SH3KBP1: variants seen among roughly 807,000 people sequenced by gnomAD.
The protein encoded by SH3KBP1 is SH3 domain-containing kinase-binding protein 1.
A neutral mutation model predicts 50.1 loss-of-function variants in SH3KBP1; 8 were observed. The observed-to-expected ratio is 0.16, with a 90% CI of 0.09 to 0.29. The LOEUF is 0.29. Among genes scored for constraint, SH3KBP1 ranks in the 10% least tolerant of loss-of-function variants. The probability of loss-of-function intolerance (pLI) is 1.00; values close to 1 mark genes in which losing one functional copy is unlikely to be tolerated. For missense variants in SH3KBP1, 377 were observed against 535.2 expected (o/e 0.70, Z 2.92); for synonymous variants, 227 against 218.6 (o/e 1.04, Z -0.34).
chrX:19,720,402 G>A (rs918739636), intron 3 of SH3KBP1, among the ~76,000 whole-genome samples: 1 of 111,399 alleles, frequency 9.0e-6, no homozygotes, highest in African/African-American at 3.3e-5. Flanking sequence ...AATCCAATAC[G>A]TAAAGCACAC....
chrX:19,623,607 C>T (rs2067917527), intron 8 of SH3KBP1, among the ~76,000 whole-genome samples: 1 of 112,264 alleles, frequency 8.9e-6, no homozygotes, highest in Non-Finnish European at 1.9e-5. Flanking sequence ...TCACTTGAAC[C>T]CGGCAGGCGG....
intron 9 of SH3KBP1, among the ~76,000 whole-genome samples, chrX:19,606,723 T>C (rs1381794077): frequency 3.6e-5 from 4 of 112,026 alleles, no homozygotes; most frequent in Non-Finnish European, 7.5e-5. Context: ...TGATGCACCA[T>C]GTCTGGGGTG....
Position 19,887,417 on chromosome X carries a change from C to T in SH3KBP1, c.-107G>A. The T allele has an allele frequency of 1.5e-6, 1 of 672,586 alleles. No homozygotes were observed. Among genetic ancestry groups the T allele is most frequent in the Non-Finnish European group, 1.9e-6 (1 of 519,475 alleles). The allele number at this position is 672,586 out of a possible 1,213,427, so 55.4% of individuals were successfully genotyped here. ...GCGCTGGGATCCAGGCGCGAGGGTCCGGACGCGGCGGCGGCTGGGCCGGCT... is the reference window on the plus strand; with the variant it reads ...GCGCTGGGATCCAGGCGCGAGGGTCTGGACGCGGCGGCGGCTGGGCCGGCT... On this transcript the variant is annotated 5_prime_UTR_variant, in exon 1 of 18. Coordinates refer to ENST00000397821, the MANE Select transcript of SH3KBP1 (RefSeq NM_031892.3).
chrX:19,616,319 AC>A (rs940380053), intron 8 of SH3KBP1, among the ~76,000 whole-genome samples: 2 of 111,890 alleles, frequency 1.8e-5, no homozygotes, highest in African/African-American at 6.5e-5. Context: ...GGAACTACTT[AC>A]AAAAAATCCT....
chrX:19,647,040 T>C (rs1212317464), intron 6 of SH3KBP1, among the ~76,000 whole-genome samples: 1 of 112,207 alleles, frequency 8.9e-6, no homozygotes, highest in Non-Finnish European at 1.9e-5. Context: ...GTACCGATAG[T>C]AAAAATAGCA....
intron 2 of SH3KBP1, among the ~76,000 whole-genome samples, chrX:19,801,344 C>T (rs2066885188): frequency 9.0e-6 from 1 of 111,441 alleles, no homozygotes; most frequent in Non-Finnish European, 1.9e-5. Context: ...ATCACACTGC[C>T]CCTGGGGTCC....
chrX:19,540,639 TAA>T (rs759579362), intron 16 of SH3KBP1, among the ~76,000 whole-genome samples: 5 of 111,456 alleles, frequency 4.5e-5, no homozygotes, highest in African/African-American at 6.5e-5. Flanking sequence ...TTCATCGCTG[TAA>T]GTCTCTGGCT....
chrX:19,580,747 C>T (rs1050916541), intron 12 of SH3KBP1, among the ~76,000 whole-genome samples: 2 of 111,044 alleles, frequency 1.8e-5, no homozygotes, highest in African/African-American at 6.6e-5. Flanking sequence ...CTCCTTCTAG[C>T]TTCCATGACA....
At chrX:19,594,912 C>A (rs763933402) in intron 10 of SH3KBP1, 37 bp downstream of exon 10, 3 of 1,017,013 alleles carry the variant, frequency 2.9e-6, no homozygotes, top group Non-Finnish European at 4.2e-6. Context: ...AAAAGAAAGA[C>A]GCATATTTTA....
At chrX:19,784,810 C>T (rs2066286347) in intron 2 of SH3KBP1, among the ~76,000 whole-genome samples, 2 of 110,105 alleles carry the variant, frequency 1.8e-5, no homozygotes, top group African/African-American at 3.3e-5. Context: ...GGTTTCACCA[C>T]GTGGGCCAGG....
intron 2 of SH3KBP1, among the ~76,000 whole-genome samples, chrX:19,793,305 G>GAA (rs1276369664): frequency 0.021 from 1,975 of 94,355 alleles, 83 homozygotes; most frequent in African/African-American, 0.075. Context: ...TTGTCTCAAG[G>GAA]AAAAAAAAAT....
chrX:19,767,404 T>C (rs1040245961), intron 2 of SH3KBP1, among the ~76,000 whole-genome samples: 5 of 112,715 alleles, frequency 4.4e-5, no homozygotes, highest in African/African-American at 1.3e-4. Flanking sequence ...ACAGTAGCTG[T>C]GAGGTGATTT....
rs752241615 is a variant in SH3KBP1 at position 19,546,066 on chromosome X, G to T, written c.1495-16C>A. ...AAAGGGATGACTGATAAAGCCAAAA[G>T]AAAATGCTTTTGTCAGAATTACACC... is the stretch of plus-strand genomic sequence containing the variant. On this transcript the variant is annotated splice_polypyrimidine_tract_variant and intron_variant, in intron 14 of 17. Transcript: ENST00000397821. 2 of 1,210,191 alleles carry T rather than the reference G, an allele frequency of 1.7e-6. No individual in the cohort carries two copies. The highest frequency in any genetic ancestry group is 4.3e-5 in the Admixed American group (2 of 45,987).
At chrX:19,645,023 T>C (rs1330189113) in intron 7 of SH3KBP1, among the ~76,000 whole-genome samples, 6 of 111,868 alleles carry the variant, frequency 5.4e-5, no homozygotes, top group African/African-American at 2.0e-4. Context: ...TTCAAGTGGT[T>C]AGGCCTCTCC....
At chrX:19,707,564 T>C (rs1569432012) in intron 3 of SH3KBP1, among the ~76,000 whole-genome samples, 1 of 111,465 alleles carries the variant, frequency 9.0e-6, no homozygotes, top group Non-Finnish European at 1.9e-5. Flanking sequence ...AATCTACTTC[T>C]GTCCTCTTCC....
At chrX:19,812,059 C>T in intron 2 of SH3KBP1, among the ~76,000 whole-genome samples, 1 of 111,646 alleles carries the variant, frequency 9.0e-6, no homozygotes, top group Non-Finnish European at 1.9e-5. Flanking sequence ...TGGTTTGACT[C>T]GGACAACTTC....
intron 2 of SH3KBP1, among the ~76,000 whole-genome samples, chrX:19,808,934 GAAGT>G (rs374581608): frequency 6.3e-5 from 7 of 111,978 alleles, no homozygotes; most frequent in Non-Finnish European, 9.4e-5. Context: ...TTAAGGATCA[GAAGT>G]AAGTATGACA....
At chrX:19,770,955 T>C (rs2065773225) in intron 2 of SH3KBP1, among the ~76,000 whole-genome samples, 1 of 111,848 alleles carries the variant, frequency 8.9e-6, no homozygotes, top group Non-Finnish European at 1.9e-5. Context: ...GTGAATAGTT[T>C]GCAAATATTT....
chrX:19,783,420 T>C (rs1314928632), intron 2 of SH3KBP1, among the ~76,000 whole-genome samples: 2 of 111,872 alleles, frequency 1.8e-5, no homozygotes, highest in Non-Finnish European at 1.9e-5. Flanking sequence ...AAATCCTCTC[T>C]TCTAGCTGTT....
Sources: allele counts gnomAD v4.1 joint callset (sites outside exome capture counted in the v4.1 genomes callset), GRCh38; gene constraint gnomAD v4.1.1; transcripts MANE v1.5; gene names NCBI Gene and HGNC (gene_info 2026-07-23, HGNC 2026-07-21).